Variants in TRAF6 observed in about 807,000 individuals in gnomAD.
The protein encoded by TRAF6 is TNF receptor-associated factor 6.
TRAF6 carries 10 observed loss-of-function variants against 48.4 expected under a neutral mutation model. The observed-to-expected ratio is 0.21, with a 90% CI of 0.13 to 0.35. The LOEUF (loss-of-function observed/expected upper bound fraction) is 0.35. Among genes scored for constraint, TRAF6 ranks in the 10% least tolerant of loss-of-function variants. TRAF6 has a pLI of 1.00. For missense variants in TRAF6, 397 were observed against 661.0 expected (o/e 0.60, Z 4.38); for synonymous variants, 186 against 219.6 (o/e 0.85, Z 1.35).
intron 1 of TRAF6, among the ~76,000 whole-genome samples, chr11:36,509,665 G>A (rs1859874054): frequency 6.6e-6 from 1 of 152,170 alleles, no homozygotes; most frequent in South Asian, 2.1e-4. Flanking sequence ...GGGTTTTTTA[G>A]GGGGTGGAAT....
At chr11:36,494,818 TATTA>T (rs5030465) in intron 5 of TRAF6, among the ~76,000 whole-genome samples, 154 bp downstream of exon 5, 4,270 of 152,140 alleles carry the variant, frequency 0.028, 206 homozygotes, top group African/African-American at 0.096. Flanking sequence ...TGAAAGTATT[TATTA>T]CTTATATTAA....
chr11:36,506,426 T>G (rs539875579), intron 1 of TRAF6, among the ~76,000 whole-genome samples: 3 of 152,350 alleles, frequency 2.0e-5, no homozygotes, highest in African/African-American at 7.2e-5. Flanking sequence ...AACCATTTTT[T>G]TTTTAAGTAA....
chr11:36,508,661 G>A (rs1327807095), intron 1 of TRAF6, among the ~76,000 whole-genome samples: 5 of 152,134 alleles, frequency 3.3e-5, no homozygotes, highest in African/African-American at 1.2e-4. Flanking sequence ...TATCTTTAAT[G>A]TGCTACTAGC....
chr11:36,486,133 G>T lies in TRAF6; in HGVS notation c.*3705C>A, dbSNP rs558552924. ...TGGCTCACTGCAACCTGTGCTTCCC[G>T]GGTTCAAGCGATTCCCGTGCCTCAG... On this transcript the variant is annotated 3_prime_UTR_variant, in exon 7 of 7. Transcript: ENST00000526995. 1.3e-5 allele frequency among the ~76,000 whole-genome samples: 2 copies of T among 152,206 alleles called. No homozygotes were observed. Among genetic ancestry groups the T allele is most frequent in the East Asian group, 3.9e-4 (2 of 5,184 alleles).
Position 36,501,549 on chromosome 11 carries a change from G to C in TRAF6, c.-22-12C>G. ...GATTATCACTTGCTCTGTAGAAATA[G>C]CAAGAAAAAAATGCCTTTATAAGTA... On this transcript the variant is annotated splice_polypyrimidine_tract_variant and intron_variant, in intron 1 of 6. Coordinates refer to ENST00000526995, the MANE Select transcript of TRAF6 (RefSeq NM_004620.4). The C allele has an allele frequency of 6.5e-7, 1 of 1,541,154 alleles. No homozygotes were observed. The highest frequency in any genetic ancestry group is 8.7e-7 in the Non-Finnish European group (1 of 1,144,150).
intron 4 of TRAF6, chr11:36,496,376 G>A (rs331459): frequency 0.15 from 22,841 of 152,030 alleles, 1,816 homozygotes; most frequent in African/African-American, 0.19. Flanking sequence ...TCGGGAGTTC[G>A]AGACCAGCCT....
intron 1 of TRAF6, among the ~76,000 whole-genome samples, chr11:36,502,796 G>A (rs984137295): frequency 2.6e-5 from 4 of 152,116 alleles, no homozygotes; most frequent in African/African-American, 7.2e-5. Flanking sequence ...TATGAGCTGG[G>A]CAAATTATAT....
chr11:36,498,305 A>G (rs1305555540), intron 3 of TRAF6, among the ~76,000 whole-genome samples, 185 bp downstream of exon 3: 1 of 152,230 alleles, frequency 6.6e-6, no homozygotes, highest in East Asian at 1.9e-4. Flanking sequence ...ATAAAACAGT[A>G]TATTTCTGGT....
chr11:36,501,611 C>T, intron 1 of TRAF6, 74 bp from the exon 2 acceptor site: 1 of 1,125,056 alleles, frequency 8.9e-7, no homozygotes, highest in Non-Finnish European at 1.2e-6. Context: ...TATATCATAG[C>T]TTATCTATAC....
intron 1 of TRAF6, among the ~76,000 whole-genome samples, chr11:36,507,838 G>A (rs1369599409): frequency 6.9e-6 from 1 of 144,244 alleles, no homozygotes; most frequent in Non-Finnish European, 1.5e-5. Context: ...TTATATATGT[G>A]TATATATATA....
In TRAF6 at chr11:36,490,523, A is replaced by C; in HGVS notation, c.884T>G (p.Phe295Cys). The C allele has an allele frequency of 6.2e-7, 1 of 1,614,056 alleles. No individual in the cohort carries two copies. The highest frequency in any genetic ancestry group is 8.5e-7 in the Non-Finnish European group (1 of 1,180,036). ...CTCTAACTGGTGAATAGTTTCCTGGAAATTCCGGACCTCTGAGATATACCC... is the reference window on the plus strand; with the variant it reads ...CTCTAACTGGTGAATAGTTTCCTGGCAATTCCGGACCTCTGAGATATACCC... Reference protein sequence around the residue: ...DSGYISEVRNFQETIHQLEGR... With the variant: ...DSGYISEVRNCQETIHQLEGR... The change falls in exon 7 of 7, where the codon TTC becomes TGC. Residue 295 changes from phenylalanine (F) to cysteine (C), a missense_variant. This residue lies in a region of TRAF6 where 245 missense variants were observed against 349.1 expected (regional missense o/e 0.70). Transcript: ENST00000526995. The surrounding 1 kb of genome is among the most constrained non-coding windows in gnomAD (Gnocchi z 6.4).
chr11:36,504,262 A>C (rs1859756913), intron 1 of TRAF6, among the ~76,000 whole-genome samples: 1 of 152,166 alleles, frequency 6.6e-6, no homozygotes, highest in South Asian at 2.1e-4. Context: ...ATTTTACCCC[A>C]CGAGAACTTC....
At position 36,486,505 on chromosome 11, in the gene TRAF6, T is replaced by C. The variant is rs142504022; in HGVS notation, c.*3333A>G. Among the ~76,000 whole-genome samples, 3 of 152,228 alleles carry C rather than the reference T, an allele frequency of 2.0e-5. No individual in the cohort carries two copies. The East Asian group carries it at 5.8e-4, about 29-fold the overall frequency. On this transcript the variant is annotated 3_prime_UTR_variant, in exon 7 of 7. Transcript: ENST00000526995. ...AGACTTACTGGTGTAAAAACGGTAA[T>C]AGAGAATTATACTGTGACCTGTATA...
intron 1 of TRAF6, among the ~76,000 whole-genome samples, chr11:36,504,357 T>C (rs974701725): frequency 6.6e-6 from 1 of 150,568 alleles, no homozygotes; most frequent in African/African-American, 2.4e-5. Context: ...TTTGTTGTTA[T>C]TTCAACAATG....
chr11:36,507,847 T>C lies in TRAF6; in HGVS notation c.-23+2201A>G, dbSNP rs116289686. On this transcript the variant is annotated intron_variant, in intron 1 of 6. Transcript: ENST00000526995. ...TGTATTTTATATATGTGTATATATATACATATATATACACACACTTTTTTT... is the reference window on the plus strand; with the variant it reads ...TGTATTTTATATATGTGTATATATACACATATATATACACACACTTTTTTT... Among the ~76,000 whole-genome samples the C allele has an allele frequency of 2.9e-3, 432 of 146,690 alleles. 3 individuals carry two copies. The highest frequency in any genetic ancestry group is 9.6e-3 in the African/African-American group (381 of 39,494).
intron 1 of TRAF6, among the ~76,000 whole-genome samples, chr11:36,506,085 T>C (rs1474512243): frequency 6.6e-6 from 1 of 151,468 alleles, no homozygotes; most frequent in South Asian, 2.1e-4. Flanking sequence ...GTTGGAAAAA[T>C]GGCGTGCAAA....
At chr11:36,501,076 T>A in intron 2 of TRAF6, 144 bp downstream of exon 2, 1 of 805,172 alleles carries the variant, frequency 1.2e-6, no homozygotes, top group Non-Finnish European at 1.8e-6. Flanking sequence ...GAATCTAACT[T>A]TCTCAATTTT....
intron 1 of TRAF6, among the ~76,000 whole-genome samples, chr11:36,503,148 G>A (rs1182951970): frequency 1.3e-5 from 2 of 152,152 alleles, no homozygotes; most frequent in Non-Finnish European, 2.9e-5. Flanking sequence ...TGTCCATGAA[G>A]CTGCATTTAA....
chr11:36,490,258 G>A lies in TRAF6; in HGVS notation c.1149C>T (p.Gly383=), dbSNP rs187625425. ...VVIHSPGFYT[G]KPGYKLCMRL... ...GCATGCACAGTTTGTACCCGGGTTTGCCAGTGTAGAATCCAGGGCTATGAA... is the reference window on the plus strand; with the variant it reads ...GCATGCACAGTTTGTACCCGGGTTTACCAGTGTAGAATCCAGGGCTATGAA... Residue 383 remains glycine (G), a synonymous_variant, in exon 7 of 7, where the codon GGC becomes GGT. Coordinates refer to ENST00000526995, the MANE Select transcript of TRAF6 (RefSeq NM_004620.4). This position sits in a 1 kb window ranked among gnomAD's most constrained non-coding sequence, Gnocchi z 6.4. The A allele has an allele frequency of 2.8e-5, 45 of 1,614,192 alleles. No homozygotes were observed. In the East Asian group the frequency reaches 9.1e-4, roughly 33 times the overall value.
Sources: allele counts gnomAD v4.1 joint callset (sites outside exome capture counted in the v4.1 genomes callset), GRCh38; gene constraint gnomAD v4.1.1; regional missense constraint gnomAD v4.1.1; non-coding constraint Gnocchi (gnomAD v3.1); transcripts MANE v1.5; gene names NCBI Gene and HGNC (gene_info 2026-07-23, HGNC 2026-07-21).